STUM: variants seen among roughly 807,000 people sequenced by gnomAD.
The protein encoded by STUM is protein stum homolog.
Under a neutral mutation model 15.3 loss-of-function variants are expected in STUM, and 8 were observed. The ratio of observed to expected loss-of-function variants is 0.52; its 90% CI spans 0.31 to 0.94. The LOEUF is 0.94. STUM is among the 40% of genes least tolerant of loss of function. The probability of loss-of-function intolerance (pLI) is 0.05; values close to 1 mark genes in which losing one functional copy is unlikely to be tolerated. For missense variants in STUM, 142 were observed against 204.9 expected, an observed-to-expected ratio of 0.69 and a Z score of 1.87; for synonymous variants, 78 against 88.7, an observed-to-expected ratio of 0.88 and a Z score of 0.68.
rs1668246377 is a variant in STUM, at chr1:226,600,433, G to T, written c.383-233G>T. Among the ~76,000 whole-genome samples, 1 of 152,234 alleles carries T rather than the reference G, an allele frequency of 6.6e-6. No homozygotes were observed. The highest frequency in any genetic ancestry group is 2.4e-5 in the African/African-American group (1 of 41,466). On this transcript the variant is annotated intron_variant, in intron 2 of 3. Transcript: ENST00000366788. The surrounding 1 kb of genome is among the most constrained non-coding windows in gnomAD (Gnocchi z 5.2). ...TGCCCCTAGCCACACCCACACGCCTGGTGGGCAGACCACTGGCCACTGTGG... is the reference window on the plus strand; with the variant it reads ...TGCCCCTAGCCACACCCACACGCCTTGTGGGCAGACCACTGGCCACTGTGG...
rs563594756 is a variant in STUM at position 226,593,553 on chromosome 1, G to C, written c.203-3249G>C. Among the ~76,000 whole-genome samples the C allele has an allele frequency of 3.3e-5, 5 of 152,184 alleles. No individual in the cohort carries two copies. In the South Asian group the frequency reaches 1.0e-3, roughly 32 times the overall value. ...GCCCAGTACACTGTGAGTTCTTGAG[G>C]GCAGGGGTTCAGTTAGGTTCTTGAA... On this transcript the variant is annotated intron_variant, in intron 1 of 3. Coordinates refer to ENST00000366788, the MANE Select transcript of STUM (RefSeq NM_001003665.4).
chr1:226,601,810 A>G (rs1668272612), intron 3 of STUM, among the ~76,000 whole-genome samples, 196 bp from the exon 4 acceptor site: 1 of 151,978 alleles, frequency 6.6e-6, no homozygotes. Context: ...CCAGTACTCC[A>G]CATTTCCTGA....
At chr1:226,559,668 C>T (rs1282130962) in intron 1 of STUM, among the ~76,000 whole-genome samples, 1 of 152,226 alleles carries the variant, frequency 6.6e-6, no homozygotes, top group Non-Finnish European at 1.5e-5. Context: ...CTACACAAGT[C>T]ACTCTTTCAA....
At chr1:226,599,658 A>C (rs1668235512) in intron 2 of STUM, among the ~76,000 whole-genome samples, 1 of 152,250 alleles carries the variant, frequency 6.6e-6, no homozygotes. Context: ...AATCTAGATG[A>C]AAGTGGGAGT....
intron 1 of STUM, among the ~76,000 whole-genome samples, chr1:226,568,154 A>C (rs1348901342): frequency 6.6e-6 from 1 of 152,248 alleles, no homozygotes. Context: ...GGGAAAGGTC[A>C]GGAGACTGTC....
chr1:226,575,390 G>A (rs1391107281), intron 1 of STUM, among the ~76,000 whole-genome samples: 1 of 152,262 alleles, frequency 6.6e-6, no homozygotes, highest in East Asian at 1.9e-4. Flanking sequence ...TTCCCAGAAA[G>A]ACAGATTGGC....
intron 1 of STUM, among the ~76,000 whole-genome samples, chr1:226,587,659 G>T (rs1411914234): frequency 6.6e-6 from 1 of 152,158 alleles, no homozygotes; most frequent in Non-Finnish European, 1.5e-5. Context: ...GGAGAGAACA[G>T]AGGGCCTCTG....
At chr1:226,563,378 G>A (rs1667572316) in intron 1 of STUM, among the ~76,000 whole-genome samples, 1 of 152,252 alleles carries the variant, frequency 6.6e-6, no homozygotes, top group African/African-American at 2.4e-5. Context: ...CCCCAAAGGA[G>A]ATTTTTCCAG....
intron 1 of STUM, among the ~76,000 whole-genome samples, chr1:226,594,657 T>A (rs894401761): frequency 1.3e-5 from 2 of 150,598 alleles, no homozygotes; most frequent in African/African-American, 4.9e-5. Context: ...TGGAAGGAGA[T>A]TTTTTTTTTC....
At chr1:226,559,517 C>T (rs1369636157) in intron 1 of STUM, among the ~76,000 whole-genome samples, 3 of 152,162 alleles carry the variant, frequency 2.0e-5, no homozygotes, top group Non-Finnish European at 4.4e-5. Context: ...TTAATGAAGA[C>T]CTGGTGAGGA....
At chr1:226,596,656 CCACT>C in intron 1 of STUM, 142 bp from the exon 2 acceptor site, 2 of 687,052 alleles carry the variant, frequency 2.9e-6, no homozygotes, top group East Asian at 5.3e-5. Context: ...GGCAGGGGTG[CCACT>C]CAGAGGACAG....
chr1:226,550,951 A>G (rs1348420219), intron 1 of STUM, among the ~76,000 whole-genome samples: 1 of 152,210 alleles, frequency 6.6e-6, no homozygotes, highest in African/African-American at 2.4e-5. Context: ...TAAACAAACA[A>G]ACAAAACAAA....
At chr1:226,593,280 G>C (rs1487079526) in intron 1 of STUM, among the ~76,000 whole-genome samples, 1 of 151,794 alleles carries the variant, frequency 6.6e-6, no homozygotes, top group Non-Finnish European at 1.5e-5. Flanking sequence ...CTCTCTGTGA[G>C]AGCTCCGTTT....
intron 1 of STUM, among the ~76,000 whole-genome samples, chr1:226,586,837 C>T (rs1222278775): frequency 6.6e-6 from 1 of 152,126 alleles, no homozygotes; most frequent in African/African-American, 2.4e-5. Flanking sequence ...CACCGACCTG[C>T]TGGAAGGTAG....
chr1:226,586,370 T>C (rs1667998208), intron 1 of STUM, among the ~76,000 whole-genome samples: 1 of 152,112 alleles, frequency 6.6e-6, no homozygotes, highest in African/African-American at 2.4e-5. Flanking sequence ...GGCTTGCGTT[T>C]GGTAAGGAGA....
intron 1 of STUM, among the ~76,000 whole-genome samples, chr1:226,590,336 C>T (rs996339896): frequency 1.3e-5 from 2 of 152,156 alleles, no homozygotes; most frequent in African/African-American, 4.8e-5. Context: ...TGTAGAGCCA[C>T]TCTTGGCCTA....
chr1:226,556,126 G>A (rs7540638), intron 1 of STUM, among the ~76,000 whole-genome samples: 125,951 of 152,162 alleles, frequency 0.83, 52,650 homozygotes, highest in East Asian at 0.93. Flanking sequence ...AACAGCATCC[G>A]AATTCCTTCT....
At chr1:226,556,125 C>T (rs1450464769) in intron 1 of STUM, among the ~76,000 whole-genome samples, 2 of 152,150 alleles carry the variant, frequency 1.3e-5, no homozygotes, top group Non-Finnish European at 2.9e-5. Context: ...TAACAGCATC[C>T]GAATTCCTTC....
At chr1:226,560,736 CA>C (rs1265258605) in intron 1 of STUM, among the ~76,000 whole-genome samples, 1 of 152,172 alleles carries the variant, frequency 6.6e-6, no homozygotes, top group African/African-American at 2.4e-5. Flanking sequence ...CCCTGGGTCA[CA>C]TCTCAGAATG....
Sources: gnomAD v4.1 joint callset for allele counts (sites outside exome capture counted in the v4.1 genomes callset) on GRCh38, gnomAD v4.1.1 for gene constraint, Gnocchi (gnomAD v3.1) non-coding constraint, MANE v1.5 for transcripts, NCBI Gene and HGNC (gene_info 2026-07-23, HGNC 2026-07-21) for gene names.